The following PXDNL variants were observed in gnomAD, a reference collection of about 807,000 sequenced individuals.
PXDNL encodes probable oxidoreductase PXDNL.
PXDNL carries 145 observed loss-of-function variants against 150.8 expected under a neutral mutation model. The observed-to-expected ratio is 0.96, with a 90% CI of 0.84 to 1.10. PXDNL has a LOEUF of 1.10. Among genes scored for constraint, PXDNL ranks in the 50% least tolerant of loss-of-function variants. PXDNL has a pLI of 0.00. For missense variants in PXDNL, 2,087 were observed against 1,873.9 expected (o/e 1.11, Z -2.10); for synonymous variants, 757 against 725.7 (o/e 1.04, Z -0.69).
At chr8:51,624,099 C>CAAAAAAAAAAA (rs59841822) in intron 2 of PXDNL, among the ~76,000 whole-genome samples, 8 of 79,560 alleles carry the variant, frequency 1.0e-4, no homozygotes, top group East Asian at 4.4e-4. Context: ...TCTCAAATTA[C>CAAAAAAAAAAA]AAAAAAAAAA....
chr8:51,435,210 A>G (rs1809362890), intron 12 of PXDNL, among the ~76,000 whole-genome samples: 1 of 151,980 alleles, frequency 6.6e-6, no homozygotes, highest in Non-Finnish European at 1.5e-5. Context: ...AATCCCAGCT[A>G]CTCAGGAGGC....
At chr8:51,339,382 C>T (rs531258860) in intron 21 of PXDNL, among the ~76,000 whole-genome samples, 62 of 152,256 alleles carry the variant, frequency 4.1e-4, no homozygotes, top group African/African-American at 1.4e-3. Context: ...ATCACTTGAA[C>T]CCAAGAGGTG....
rs968228450 is a variant in PXDNL at position 51,777,213 on chromosome 8, G to C, written c.164+31968C>G. Among the ~76,000 whole-genome samples, 11 of 152,234 alleles carry C rather than the reference G, an allele frequency of 7.2e-5. No homozygotes were observed. In the East Asian group the frequency reaches 1.9e-3, roughly 27 times the overall value. On this transcript the variant is annotated intron_variant, in intron 1 of 22. Coordinates refer to ENST00000356297, the MANE Select transcript of PXDNL (RefSeq NM_144651.5). ...ATACGAGTTCCAATCTTCCAACATT[G>C]ACCCAGTAGGGTGACTGTGGCAAGT...
chr8:51,796,213 G>C (rs1419767950), intron 1 of PXDNL, among the ~76,000 whole-genome samples: 3 of 151,434 alleles, frequency 2.0e-5, no homozygotes, highest in Admixed American at 2.0e-4. Flanking sequence ...AAAAGAACCA[G>C]AGAACTAAGA....
intron 4 of PXDNL, among the ~76,000 whole-genome samples, chr8:51,529,129 G>A (rs935007673): frequency 3.9e-5 from 6 of 152,256 alleles, no homozygotes; most frequent in Non-Finnish European, 5.9e-5. Flanking sequence ...ATACTTTAAC[G>A]TCAATCACAT....
At chr8:51,568,835 C>A (rs1812874492) in intron 3 of PXDNL, among the ~76,000 whole-genome samples, 1 of 151,794 alleles carries the variant, frequency 6.6e-6, no homozygotes, top group Non-Finnish European at 1.5e-5. Flanking sequence ...CCTCTATTAA[C>A]ATATCACCAA....
chr8:51,542,201 G>C (rs1450432870), intron 4 of PXDNL, among the ~76,000 whole-genome samples: 2 of 95,598 alleles, frequency 2.1e-5, no homozygotes, highest in East Asian at 2.3e-4. Flanking sequence ...CACACTCAAG[G>C]GCAGTCCATG....
intron 1 of PXDNL, among the ~76,000 whole-genome samples, chr8:51,759,426 G>T (rs912485629): frequency 2.6e-5 from 4 of 152,118 alleles, no homozygotes; most frequent in African/African-American, 9.7e-5. Flanking sequence ...CTCAGAATTT[G>T]CACTCTGTAT....
intron 8 of PXDNL, among the ~76,000 whole-genome samples, chr8:51,457,950 A>G (rs1270703522): frequency 6.6e-6 from 1 of 152,182 alleles, no homozygotes; most frequent in Non-Finnish European, 1.5e-5. Context: ...CACTGAAGCA[A>G]GCGCTCCCAT....
intron 1 of PXDNL, among the ~76,000 whole-genome samples, chr8:51,718,288 G>T (rs944169278): frequency 2.0e-5 from 3 of 152,104 alleles, no homozygotes; most frequent in African/African-American, 7.2e-5. Context: ...GGGAGGAGCT[G>T]GGAGATTGTG....
intron 1 of PXDNL, among the ~76,000 whole-genome samples, chr8:51,677,408 AT>A (rs1362515774): frequency 6.6e-6 from 1 of 152,210 alleles, no homozygotes; most frequent in African/African-American, 2.4e-5. Flanking sequence ...CAAATGTTTG[AT>A]GAGGATTTAG....
At chr8:51,465,936 T>C (rs1201105353) in intron 8 of PXDNL, among the ~76,000 whole-genome samples, 1 of 151,946 alleles carries the variant, frequency 6.6e-6, no homozygotes, top group African/African-American at 2.4e-5. Context: ...GCTCATAAAT[T>C]GGAAGAATCA....
intron 5 of PXDNL, among the ~76,000 whole-genome samples, chr8:51,485,129 G>A (rs1383629072): frequency 1.3e-5 from 2 of 152,142 alleles, no homozygotes; most frequent in African/African-American, 4.8e-5. Flanking sequence ...TTGGCTTTAT[G>A]TTTTTGGCTT....
chr8:51,645,847 A>G (rs1814908182), intron 2 of PXDNL, among the ~76,000 whole-genome samples: 1 of 152,154 alleles, frequency 6.6e-6, no homozygotes, highest in Non-Finnish European at 1.5e-5. Context: ...GTTCAAAGTC[A>G]TAGTGAAAAC....
chr8:51,570,475 A>C (rs1252978555), intron 3 of PXDNL, among the ~76,000 whole-genome samples: 1 of 151,932 alleles, frequency 6.6e-6, no homozygotes, highest in Non-Finnish European at 1.5e-5. Flanking sequence ...ACCTGACATT[A>C]TACTTTTTAA....
At chr8:51,804,081 TC>T (rs1253286523) in intron 1 of PXDNL, among the ~76,000 whole-genome samples, 1 of 152,194 alleles carries the variant, frequency 6.6e-6, no homozygotes, top group Non-Finnish European at 1.5e-5. Flanking sequence ...AGAGCACAAT[TC>T]GGTTTTATAC....
chr8:51,592,032 C>G (rs1341697857), intron 3 of PXDNL, among the ~76,000 whole-genome samples: 1 of 152,196 alleles, frequency 6.6e-6, no homozygotes, highest in Non-Finnish European at 1.5e-5. Flanking sequence ...CCAATCATGA[C>G]CTCCCAACAT....
intron 21 of PXDNL, among the ~76,000 whole-genome samples, chr8:51,327,631 A>G (rs1427970731): frequency 1.3e-5 from 2 of 152,234 alleles, no homozygotes; most frequent in African/African-American, 4.8e-5. Context: ...ATGCAAGAGC[A>G]TGGCCCATAA....
intron 16 of PXDNL, among the ~76,000 whole-genome samples, chr8:51,409,876 G>A (rs966878341): frequency 4.6e-5 from 7 of 151,974 alleles, no homozygotes; most frequent in Non-Finnish European, 1.0e-4. Flanking sequence ...CAGAAGACCC[G>A]GGATTACTTT....
Sources: allele counts gnomAD v4.1 joint callset (sites outside exome capture counted in the v4.1 genomes callset), GRCh38; gene constraint gnomAD v4.1.1; transcripts MANE v1.5; gene names NCBI Gene and HGNC (gene_info 2026-07-23, HGNC 2026-07-21).